GABRR1: variants seen among roughly 807,000 people sequenced by gnomAD.
GABRR1 encodes gamma-aminobutyric acid receptor subunit rho-1.
A neutral mutation model predicts 55.5 loss-of-function variants in GABRR1; 59 were observed. The ratio of observed to expected loss-of-function variants is 1.06; its 90% CI spans 0.86 to 1.32. GABRR1 has a LOEUF of 1.32. Ranked by LOEUF, GABRR1 falls within the 40% of genes most tolerant of loss-of-function variation. The probability of loss-of-function intolerance (pLI) is 0.00; values close to 1 mark genes in which losing one functional copy is unlikely to be tolerated. For synonymous variants in GABRR1, 213 were observed against 226.0 expected (o/e 0.94, Z 0.51); for missense variants, 602 against 619.1 (o/e 0.97, Z 0.29).
chr6:89,217,421 G>A (rs1027456434), upstream of GABRR1: 13 of 1,374,806 alleles, frequency 9.5e-6, no homozygotes, highest in African/African-American at 1.3e-4. Context: ...ATTATTAGAA[G>A]GATGTTTACT....
At chr6:89,204,597 T>C (rs1156268781) in intron 1 of GABRR1, 1 of 1,265,152 alleles carries the variant, frequency 7.9e-7, no homozygotes, top group African/African-American at 1.6e-5. Flanking sequence ...AGCTCTTACT[T>C]TGACTTTGGG....
upstream of GABRR1, among the ~76,000 whole-genome samples, chr6:89,220,416 G>A (rs1773097340): frequency 6.6e-6 from 1 of 152,188 alleles, no homozygotes; most frequent in Admixed American, 6.5e-5. Context: ...GAGGGGAGGG[G>A]CCCTGTCTTA....
At chr6:89,207,661 T>C (rs546501013) in intron 1 of GABRR1, among the ~76,000 whole-genome samples, 3 of 152,294 alleles carry the variant, frequency 2.0e-5, no homozygotes, top group African/African-American at 7.2e-5. Context: ...AACCATCTAA[T>C]GCTCAGCCCT....
intron 7 of GABRR1, among the ~76,000 whole-genome samples, chr6:89,183,827 A>C (rs940022647): frequency 6.6e-5 from 10 of 152,202 alleles, no homozygotes; most frequent in African/African-American, 2.2e-4. Context: ...ACACAAAGGC[A>C]TACAGAGTGG....
intron 5 of GABRR1, among the ~76,000 whole-genome samples, chr6:89,193,775 C>T (rs1344884689): frequency 6.6e-6 from 1 of 152,142 alleles, no homozygotes; most frequent in Non-Finnish European, 1.5e-5. Flanking sequence ...CAAAAACAAA[C>T]ATATCACGCC....
At chr6:89,203,269 C>T (rs191318048) in intron 2 of GABRR1, among the ~76,000 whole-genome samples, 166 bp downstream of exon 2, 13 of 152,172 alleles carry the variant, frequency 8.5e-5, no homozygotes, top group Non-Finnish European at 1.3e-4. Flanking sequence ...GCCACCCCGC[C>T]ACCCCTGACT....
intron 1 of GABRR1, among the ~76,000 whole-genome samples, chr6:89,215,389 G>T (rs991028039): frequency 6.6e-6 from 1 of 152,206 alleles, no homozygotes; most frequent in Non-Finnish European, 1.5e-5. Context: ...GCAACAGCAC[G>T]CATAAACCTG....
intron 1 of GABRR1, among the ~76,000 whole-genome samples, chr6:89,206,042 T>C (rs10806401): frequency 0.56 from 85,656 of 151,680 alleles, 25,011 homozygotes; most frequent in East Asian, 0.95. Flanking sequence ...CCCACAGCAG[T>C]CAGGCAGCCA....
chr6:89,188,032 T>TA (rs1433368184), intron 6 of GABRR1, among the ~76,000 whole-genome samples: 1 of 151,990 alleles, frequency 6.6e-6, no homozygotes, highest in Admixed American at 6.6e-5. Context: ...TTTTTTTTTT[T>TA]AGACATGGGG....
intron 2 of GABRR1, among the ~76,000 whole-genome samples, chr6:89,203,113 G>A (rs745596155): frequency 2.0e-5 from 3 of 152,178 alleles, no homozygotes; most frequent in Non-Finnish European, 2.9e-5. Context: ...AGGAATTACC[G>A]TGCTGGCAGC....
chr6:89,204,562 A>G, intron 1 of GABRR1: 1 of 1,096,172 alleles, frequency 9.1e-7, no homozygotes, highest in Non-Finnish European at 1.2e-6. Flanking sequence ...GAAAGAGGAG[A>G]TTGGAATGGA....
intron 5 of GABRR1, among the ~76,000 whole-genome samples, chr6:89,190,598 TCTC>T (rs1272352794): frequency 6.6e-6 from 1 of 152,244 alleles, no homozygotes; most frequent in African/African-American, 2.4e-5. Context: ...CATATATTGT[TCTC>T]CTGTTTCAGA....
At chr6:89,224,068 G>A (rs556230303) in intron 1 of GABRR1, among the ~76,000 whole-genome samples, 1 of 151,344 alleles carries the variant, frequency 6.6e-6, no homozygotes, top group South Asian at 2.1e-4. Flanking sequence ...GCCGCCAGGG[G>A]TTTTGTTTGT....
intron 1 of GABRR1, among the ~76,000 whole-genome samples, chr6:89,208,240 A>G (rs1422762855): frequency 1.3e-5 from 2 of 152,172 alleles, no homozygotes; most frequent in African/African-American, 2.4e-5. Flanking sequence ...TTTATATTGC[A>G]TTTCCTGAAT....
intron 5 of GABRR1, among the ~76,000 whole-genome samples, chr6:89,197,713 TGTAAGAA>T (rs1380158540): frequency 1.3e-5 from 2 of 152,170 alleles, no homozygotes; most frequent in African/African-American, 2.4e-5. Flanking sequence ...TCAGAGAGAT[TGTAAGAA>T]GTAAGTCCTT....
intron 2 of GABRR1, among the ~76,000 whole-genome samples, 195 bp from the exon 3 acceptor site, chr6:89,201,460 T>C (rs550861325): frequency 6.0e-4 from 91 of 152,300 alleles, no homozygotes; most frequent in African/African-American, 2.0e-3. Flanking sequence ...ACATTGGCTT[T>C]GACCATGACT....
intron 5 of GABRR1, among the ~76,000 whole-genome samples, chr6:89,194,435 A>T (rs1456008768): frequency 6.6e-6 from 1 of 152,182 alleles, no homozygotes; most frequent in Non-Finnish European, 1.5e-5. Flanking sequence ...AAACAAAACT[A>T]GACAGAGAAA....
At chr6:89,219,299 A>C (rs1189928089), upstream of GABRR1, among the ~76,000 whole-genome samples, 1 of 152,164 alleles carries the variant, frequency 6.6e-6, no homozygotes, top group African/African-American at 2.4e-5. Flanking sequence ...AGACACTTTT[A>C]GAAGTCCAAG....
rs1771582482 is a variant in GABRR1 at position 89,177,565 on chromosome 6, G to A, written c.*1205C>T. 6.6e-6 allele frequency: 1 copy of A among 152,156 alleles called. No individual in the cohort carries two copies. The highest frequency in any genetic ancestry group is 2.4e-5 in the African/African-American group (1 of 41,430). 9.4% of individuals were successfully genotyped at this position (152,156 alleles called of 1,614,324 possible). A position where few individuals can be genotyped will look rare whatever the true frequency, so the allele number is the denominator to read the frequency against. On this transcript the variant is annotated 3_prime_UTR_variant, in exon 10 of 10. Transcript: ENST00000454853. ...AATAAAACAAATGCTGTTTGGGTAA[G>A]TTTGGTGGAGGTTGATCTATATAGC...
Sources: allele counts gnomAD v4.1 joint callset (sites outside exome capture counted in the v4.1 genomes callset), GRCh38; gene constraint gnomAD v4.1.1; transcripts MANE v1.5; gene names NCBI Gene and HGNC (gene_info 2026-07-23, HGNC 2026-07-21).